Variants in PLCG2 observed in about 807,000 individuals in gnomAD.
PLCG2 encodes the protein 1-phosphatidylinositol 4,5-bisphosphate phosphodiesterase gamma-2.
In PLCG2, 69 loss-of-function variants were observed where a neutral mutation model predicts 175.6. The observed-to-expected ratio is 0.39, with a 90% confidence interval of 0.32 to 0.48. PLCG2 has a LOEUF of 0.48. Ranked by LOEUF, PLCG2 falls within the 20% of genes least tolerant of loss-of-function variation. The probability of loss-of-function intolerance (pLI) is 0.91; values close to 1 mark genes in which losing one functional copy is unlikely to be tolerated. For missense variants in PLCG2, 1,798 were observed against 1,650.9 expected (o/e 1.09, Z -1.54); for synonymous variants, 827 against 624.0 (o/e 1.33, Z -4.85).
intron 2 of PLCG2, among the ~76,000 whole-genome samples, chr16:81,794,030 T>C (rs1911355380): frequency 6.6e-6 from 1 of 152,176 alleles, no homozygotes; most frequent in Non-Finnish European, 1.5e-5. Context: ...TAGAGTTTCT[T>C]TGTGACAGCA....
chr16:81,868,041 G>A (rs545283331), intron 5 of PLCG2, among the ~76,000 whole-genome samples: 57 of 152,248 alleles, frequency 3.7e-4, no homozygotes, highest in South Asian at 2.1e-4. Context: ...ATGTGGCTTC[G>A]AAGAAACACT....
intron 24 of PLCG2, among the ~76,000 whole-genome samples, chr16:81,930,242 C>T (rs1910444588): frequency 6.6e-6 from 1 of 152,106 alleles, no homozygotes; most frequent in Non-Finnish European, 1.5e-5. Context: ...TATAAGAGCT[C>T]AGAAATCTTA....
chr16:81,846,904 C>T (rs911244959), intron 2 of PLCG2, among the ~76,000 whole-genome samples: 1 of 152,114 alleles, frequency 6.6e-6, no homozygotes, highest in Non-Finnish European at 1.5e-5. Flanking sequence ...GGTTTTCCCC[C>T]CACGCATCAA....
At position 81,764,572 on chromosome 16, in the gene PLCG2, C is replaced by T. The variant is rs1173052364; in HGVS notation, c.-48+8606C>T. Among the ~76,000 whole-genome samples the T allele has an allele frequency of 5.9e-5, 9 of 152,334 alleles. 1 individual carries two copies. Among genetic ancestry groups the T allele is most frequent in the Admixed American group, 3.9e-4 (6 of 15,298 alleles). ...TGCAGGTCTCACCCTCCAGCCCATG[C>T]AGTTGTCTTTCAGCCACAGGCTGAA... On this transcript the variant is annotated intron_variant, in intron 2 of 5. Transcript: ENST00000565054.
upstream of PLCG2, among the ~76,000 whole-genome samples, chr16:81,777,696 G>A (rs924145518): frequency 2.0e-5 from 3 of 152,088 alleles, no homozygotes; most frequent in South Asian, 2.1e-4. Flanking sequence ...AACATTGACA[G>A]TGAGAGTGAT....
chr16:81,840,398 A>G (rs903648680), intron 2 of PLCG2, among the ~76,000 whole-genome samples: 5 of 152,226 alleles, frequency 3.3e-5, no homozygotes, highest in Non-Finnish European at 7.3e-5. Context: ...GGATGATTCA[A>G]GGGCATTACA....
intron 2 of PLCG2, among the ~76,000 whole-genome samples, chr16:81,851,744 C>G (rs1359395312): frequency 6.6e-6 from 1 of 152,224 alleles, no homozygotes; most frequent in East Asian, 1.9e-4. Flanking sequence ...AATTCCTGAC[C>G]TCAAGTGATC....
At chr16:81,836,733 A>G (rs997648367) in intron 2 of PLCG2, among the ~76,000 whole-genome samples, 30 of 152,184 alleles carry the variant, frequency 2.0e-4, no homozygotes, top group African/African-American at 5.3e-4. Context: ...GAGCAACACT[A>G]TGTCTCAAAA....
chr16:81,755,437 C>T (rs183203514), intron 1 of PLCG2, among the ~76,000 whole-genome samples: 12 of 151,192 alleles, frequency 7.9e-5, no homozygotes, highest in African/African-American at 1.2e-4. Context: ...AACTTCTGAG[C>T]TCTAGTGATC....
chr16:81,886,300 G>C (rs1311358140), intron 9 of PLCG2, among the ~76,000 whole-genome samples: 1 of 152,182 alleles, frequency 6.6e-6, no homozygotes, highest in Non-Finnish European at 1.5e-5. Flanking sequence ...CTCTCTCTCT[G>C]CATCTGGGGA....
At chr16:81,821,568 G>C (rs952613840) in intron 2 of PLCG2, among the ~76,000 whole-genome samples, 1 of 152,130 alleles carries the variant, frequency 6.6e-6, no homozygotes, top group Non-Finnish European at 1.5e-5. Flanking sequence ...GCTCCTGGCT[G>C]CTCAGTGCTG....
At chr16:81,813,211 G>C (rs748148421) in intron 2 of PLCG2, among the ~76,000 whole-genome samples, 5 of 152,212 alleles carry the variant, frequency 3.3e-5, no homozygotes, top group African/African-American at 4.8e-5. Flanking sequence ...TGTGAAGAAA[G>C]TCAATGATAG....
intron 19 of PLCG2, among the ~76,000 whole-genome samples, chr16:81,913,292 T>G (rs1468497463): frequency 1.3e-5 from 2 of 152,232 alleles, no homozygotes; most frequent in Non-Finnish European, 2.9e-5. Context: ...CCCTGCATGT[T>G]CTTACGGTGG....
intron 2 of PLCG2, among the ~76,000 whole-genome samples, chr16:81,821,987 C>A (rs1904820490): frequency 6.6e-6 from 1 of 152,138 alleles, no homozygotes; most frequent in Non-Finnish European, 1.5e-5. Flanking sequence ...CTTCGCTGAG[C>A]CTTCTCTTTT....
chr16:81,740,138 C>CAAAAAAA (rs5818349), intron 1 of PLCG2: 1 of 88,708 alleles, frequency 1.1e-5, no homozygotes, highest in Non-Finnish European at 2.1e-5. Flanking sequence ...ACTCTGTCTC[C>CAAAAAAA]AAAAAAAAAA....
intron 12 of PLCG2, among the ~76,000 whole-genome samples, chr16:81,894,733 C>T (rs1908800590): frequency 6.6e-6 from 1 of 151,920 alleles, no homozygotes; most frequent in South Asian, 2.1e-4. Flanking sequence ...ATTAGCCAGG[C>T]GTGGTGGTGC....
At chr16:81,872,952 A>C (rs1907589618) in intron 7 of PLCG2, among the ~76,000 whole-genome samples, 1 of 152,254 alleles carries the variant, frequency 6.6e-6, no homozygotes, top group East Asian at 1.9e-4. Flanking sequence ...ATGGGTGACC[A>C]CTGGCCGTGG....
intron 2 of PLCG2, among the ~76,000 whole-genome samples, chr16:81,803,721 G>A (rs560114705): frequency 3.1e-5 from 4 of 130,452 alleles, no homozygotes; most frequent in African/African-American, 1.1e-4. Context: ...TCACTGTGTC[G>A]GTCAGGCCGG....
intron 2 of PLCG2, among the ~76,000 whole-genome samples, chr16:81,836,307 C>T (rs986661987): frequency 1.3e-5 from 2 of 152,174 alleles, no homozygotes; most frequent in Admixed American, 6.5e-5. Flanking sequence ...TCGTGGATCT[C>T]CTGGTGCCCT....
Sources: gnomAD v4.1 joint callset for allele counts (sites outside exome capture counted in the v4.1 genomes callset) on GRCh38, gnomAD v4.1.1 for gene constraint, MANE v1.5 for transcripts, NCBI Gene and HGNC (gene_info 2026-07-23, HGNC 2026-07-21) for gene names.